The following ANKRD12 variants were observed in gnomAD, a reference collection of about 807,000 sequenced individuals.
ANKRD12 encodes the protein ankyrin repeat domain-containing protein 12.
ANKRD12 carries 85 observed loss-of-function variants against 183.4 expected under a neutral mutation model. That is an observed-to-expected ratio of 0.46 (90% confidence interval 0.39 to 0.56). ANKRD12 has a LOEUF of 0.56. ANKRD12 is among the 20% of genes least tolerant of loss of function. The pLI is 0.00. For synonymous variants in ANKRD12, 914 were observed against 800.2 expected (o/e 1.14, Z -2.40); for missense variants, 2,405 against 2,357.1 (o/e 1.02, Z -0.42).
chr18:9,220,512 G>A (rs577027988), intron 7 of ANKRD12, among the ~76,000 whole-genome samples: 12 of 152,306 alleles, frequency 7.9e-5, no homozygotes, highest in South Asian at 6.2e-4. Context: ...AAGAATTAAC[G>A]ATGACTCCCA....
In ANKRD12 at chr18:9,169,733, G is replaced by T. The variant is rs559349278; in HGVS notation, c.-51-12649G>T. 1.1e-4 allele frequency among the ~76,000 whole-genome samples: 16 copies of T among 152,234 alleles called. 1 individual carries two copies. Among genetic ancestry groups the T allele is most frequent in the African/African-American group, 3.6e-4 (15 of 41,538 alleles). Reference sequence around the variant, plus strand: ...TTACATTTAAAGTTAATATTGTTACGTATGAATTTGATCCTGTCATTATGA... The same window carrying T: ...TTACATTTAAAGTTAATATTGTTACTTATGAATTTGATCCTGTCATTATGA... On this transcript the variant is annotated intron_variant, in intron 1 of 12. Transcript: ENST00000262126.
At chr18:9,164,334 G>A (rs1296313999) in intron 1 of ANKRD12, among the ~76,000 whole-genome samples, 2 of 152,060 alleles carry the variant, frequency 1.3e-5, no homozygotes, top group African/African-American at 4.8e-5. Flanking sequence ...ATTGATTTGT[G>A]TATGTTGAAC....
At chr18:9,266,943 CA>C (rs1444475714) in intron 10 of ANKRD12, among the ~76,000 whole-genome samples, 3 of 151,508 alleles carry the variant, frequency 2.0e-5, no homozygotes, top group Non-Finnish European at 4.4e-5. Context: ...AAATGGAAAA[CA>C]AAAAAAGGCA....
chr18:9,196,606 T>A (rs2144429096), intron 3 of ANKRD12, among the ~76,000 whole-genome samples: 1 of 152,322 alleles, frequency 6.6e-6, no homozygotes, highest in East Asian at 1.9e-4. Flanking sequence ...CTGAAAATAC[T>A]CATAAAGATT....
intron 1 of ANKRD12, among the ~76,000 whole-genome samples, chr18:9,162,461 T>C (rs1220730616): frequency 6.6e-6 from 1 of 152,160 alleles, no homozygotes; most frequent in Non-Finnish European, 1.5e-5. Context: ...TGATGGGCAT[T>C]GGGGTTGATT....
At chr18:9,194,405 G>A (rs1442379347) in intron 2 of ANKRD12, among the ~76,000 whole-genome samples, 5 of 151,840 alleles carry the variant, frequency 3.3e-5, no homozygotes, top group African/African-American at 1.2e-4. Flanking sequence ...TGCCCAGGCT[G>A]GAGTGCAACG....
chr18:9,212,096 A>G (rs930613206), intron 6 of ANKRD12, among the ~76,000 whole-genome samples: 1 of 152,090 alleles, frequency 6.6e-6, no homozygotes, highest in Non-Finnish European at 1.5e-5. Context: ...TAGTTGATTC[A>G]TTCATAAGTA....
intron 7 of ANKRD12, 99 bp from the exon 8 acceptor site, chr18:9,221,753 G>A (rs2036432902): frequency 8.2e-7 from 1 of 1,213,000 alleles, no homozygotes; most frequent in African/African-American, 1.5e-5. Context: ...GAGTAAATGA[G>A]GTAACACTCA....
chr18:9,171,089 G>C (rs527847959), intron 1 of ANKRD12, among the ~76,000 whole-genome samples: 1 of 152,166 alleles, frequency 6.6e-6, no homozygotes, highest in African/African-American at 2.4e-5. Context: ...GGAGTACCCG[G>C]CCGTGTGAGG....
chr18:9,233,492 T>G (rs1290067547), intron 8 of ANKRD12, among the ~76,000 whole-genome samples: 1 of 152,128 alleles, frequency 6.6e-6, no homozygotes, highest in Non-Finnish European at 1.5e-5. Context: ...TTTTCATGTT[T>G]CCTTTTGTCC....
In ANKRD12 at chr18:9,254,330, C is replaced by T. The variant is rs1386749477; in HGVS notation, c.1063C>T (p.Pro355Ser). 6 of 1,612,824 alleles carry T rather than the reference C, an allele frequency of 3.7e-6. No homozygotes were observed. Among genetic ancestry groups the T allele is most frequent in the Non-Finnish European group, 5.1e-6 (6 of 1,179,422 alleles). The change falls in exon 9 of 13, where the codon CCA becomes TCA. Residue 355 changes from proline (P) to serine (S), a missense_variant. This residue lies in a region of ANKRD12 where 1,983 missense variants were observed against 1,725.9 expected (regional missense o/e 1.15). Transcript: ENST00000262126. Reference sequence around the variant, plus strand: ...GATACTTCCCAGTAAAACACCTCTTCCATCTGCCCTTGATGAGTATGAGTT... The same window carrying T: ...GATACTTCCCAGTAAAACACCTCTTTCATCTGCCCTTGATGAGTATGAGTT... ...KQILPSKTPL[P>S]SALDEYEFKD...
intron 1 of ANKRD12, among the ~76,000 whole-genome samples, chr18:9,166,360 C>G (rs2032067134): frequency 6.6e-6 from 1 of 152,204 alleles, no homozygotes; most frequent in Admixed American, 6.5e-5. Flanking sequence ...GTTCCTGTTT[C>G]TCCACATTCT....
chr18:9,257,144 G>C lies in ANKRD12; in HGVS notation c.3877G>C (p.Asp1293His). ...TSHLRSSSVE[D>H]VKLIISEGRP... is the part of the protein sequence containing the mutation. Reference sequence around the variant, plus strand: ...CCATCTTAGGTCATCTTCTGTAGAAGATGTTAAACTAATTATAAGCGAGGG... The same window carrying C: ...CCATCTTAGGTCATCTTCTGTAGAACATGTTAAACTAATTATAAGCGAGGG... Residue 1293 changes from aspartate (D) to histidine (H), a missense_variant, in exon 9 of 13, where the codon GAT becomes CAT. By Grantham distance (81) the Asp-to-His change is moderately conservative. Transcript: ENST00000262126. The C allele has an allele frequency of 6.2e-7, 1 of 1,614,154 alleles. No homozygotes were observed. The highest frequency in any genetic ancestry group is 1.1e-5 in the South Asian group (1 of 91,082).
intron 8 of ANKRD12, among the ~76,000 whole-genome samples, chr18:9,252,336 G>C (rs2145141687): frequency 6.6e-6 from 1 of 152,268 alleles, no homozygotes; most frequent in Non-Finnish European, 1.5e-5. Flanking sequence ...GCCAGCCTCT[G>C]GTTGAGCAAC....
At chr18:9,162,227 T>C (rs1309105421) in intron 1 of ANKRD12, among the ~76,000 whole-genome samples, 9 of 147,438 alleles carry the variant, frequency 6.1e-5, no homozygotes, top group Middle Eastern at 3.4e-3. Flanking sequence ...AGTGTGTTTG[T>C]CCCCCCCCAC....
intron 7 of ANKRD12, 121 bp from the exon 8 acceptor site, chr18:9,221,731 G>C: frequency 4.2e-6 from 4 of 954,240 alleles, no homozygotes; most frequent in Non-Finnish European, 6.1e-6. Flanking sequence ...TAGATGGTGA[G>C]GAATGGATGC....
At chr18:9,183,625 G>C (rs1452348595) in intron 2 of ANKRD12, among the ~76,000 whole-genome samples, 4 of 152,038 alleles carry the variant, frequency 2.6e-5, no homozygotes, top group Admixed American at 6.5e-5. Flanking sequence ...TAATTCCTTA[G>C]GACTTTCTAC....
Position 9,229,071 on chromosome 18 carries a change from G to A in ANKRD12, c.943+7072G>A, listed in dbSNP as rs931774525. On this transcript the variant is annotated intron_variant, in intron 8 of 12. Transcript: ENST00000262126. ...GCACCATTTATTGAAGATGGTATTCGTCCCTCAGTGTATGTATGTTGGTGG... is the reference window on the plus strand; with the variant it reads ...GCACCATTTATTGAAGATGGTATTCATCCCTCAGTGTATGTATGTTGGTGG... Among the ~76,000 whole-genome samples, 78 of 151,984 alleles carry A rather than the reference G, an allele frequency of 5.1e-4. 3 individuals are homozygous for A. Among genetic ancestry groups the A allele is most frequent in the Non-Finnish European group, 1.2e-4 (8 of 67,950 alleles).
At chr18:9,260,941 A>T (rs2038928736) in intron 9 of ANKRD12, among the ~76,000 whole-genome samples, 1 of 152,010 alleles carries the variant, frequency 6.6e-6, no homozygotes, top group African/African-American at 2.4e-5. Context: ...TTACCCAATG[A>T]CCTGCTTCTC....
Sources: gnomAD v4.1 joint callset for allele counts (sites outside exome capture counted in the v4.1 genomes callset) on GRCh38, gnomAD v4.1.1 for gene constraint, gnomAD v4.1.1 regional missense constraint, MANE v1.5 for transcripts, NCBI Gene and HGNC (gene_info 2026-07-23, HGNC 2026-07-21) for gene names.